Variants in SGCG observed in about 807,000 individuals in gnomAD.
SGCG encodes the protein gamma-sarcoglycan.
In SGCG, 26 loss-of-function variants were observed where a neutral mutation model predicts 29.3. That is an observed-to-expected ratio of 0.89 (90% CI 0.65 to 1.23). The LOEUF (loss-of-function observed/expected upper bound fraction) is 1.23. Ranked by LOEUF, SGCG falls within the 50% of genes most tolerant of loss-of-function variation. The probability of loss-of-function intolerance (pLI) is 0.00; values close to 1 mark genes in which losing one functional copy is unlikely to be tolerated. For synonymous variants in SGCG, 145 were observed against 129.7 expected, an observed-to-expected ratio of 1.12 and a Z score of -0.80; for missense variants, 353 against 356.0, an observed-to-expected ratio of 0.99 and a Z score of 0.07.
At chr13:23,207,877 G>C (rs1031238889) in intron 2 of SGCG, among the ~76,000 whole-genome samples, 1 of 152,126 alleles carries the variant, frequency 6.6e-6, no homozygotes, top group Non-Finnish European at 1.5e-5. Flanking sequence ...AGCCACTATG[G>C]AAAACAGTAT....
At chr13:23,161,635 C>A in the SGCG span, among the ~76,000 whole-genome samples, 1 of 152,310 alleles carries the variant, frequency 6.6e-6, no homozygotes, top group Non-Finnish European at 1.5e-5. Context: ...AAGCTAAAAT[C>A]TTCGTTTTTG....
At chr13:23,285,151 G>A (rs571825231) in intron 5 of SGCG, among the ~76,000 whole-genome samples, 67 of 152,304 alleles carry the variant, frequency 4.4e-4, no homozygotes, top group African/African-American at 1.4e-3. Context: ...TGGGAGATCC[G>A]CTGCTCTCTT....
At chr13:23,187,180 A>G (rs1265729985) in intron 1 of SGCG, among the ~76,000 whole-genome samples, 2 of 152,064 alleles carry the variant, frequency 1.3e-5, no homozygotes, top group East Asian at 1.9e-4. Context: ...CCTGGAGTGG[A>G]TGGTGATGGG....
intron 4 of SGCG, among the ~76,000 whole-genome samples, chr13:23,255,113 C>T (rs2137576371): frequency 6.6e-6 from 1 of 152,376 alleles, no homozygotes; most frequent in East Asian, 1.9e-4. Context: ...AAGGGAGCCA[C>T]TGCCCTCCAG....
chr13:23,258,656 C>T (rs956301236), intron 4 of SGCG, among the ~76,000 whole-genome samples: 1 of 152,112 alleles, frequency 6.6e-6, no homozygotes, highest in African/African-American at 2.4e-5. Flanking sequence ...CCAGTTTTTG[C>T]CCATTCAGTA....
intron 4 of SGCG, among the ~76,000 whole-genome samples, chr13:23,257,886 G>A (rs1170355561): frequency 6.6e-6 from 1 of 152,080 alleles, no homozygotes; most frequent in African/African-American, 2.4e-5. Flanking sequence ...TGAGGCCTCT[G>A]TTCTGTTCCA....
intron 6 of SGCG, among the ~76,000 whole-genome samples, chr13:23,313,523 A>G (rs965492320): frequency 2.0e-5 from 3 of 152,218 alleles, no homozygotes; most frequent in Non-Finnish European, 4.4e-5. Flanking sequence ...AAGGTCATAC[A>G]TGTTTGACTG....
chr13:23,317,321 A>G (rs1402015266), intron 6 of SGCG, among the ~76,000 whole-genome samples: 2 of 152,198 alleles, frequency 1.3e-5, no homozygotes, highest in Admixed American at 6.5e-5. Context: ...ATGGGAAACT[A>G]CAACAGCCCA....
intron 3 of SGCG, chr13:23,246,228 T>C (rs1278612241): frequency 6.6e-6 from 1 of 152,314 alleles, no homozygotes; most frequent in Non-Finnish European, 1.5e-5. Context: ...GATCCAAGAA[T>C]TCCTCCTTAT....
intron 2 of SGCG, among the ~76,000 whole-genome samples, chr13:23,219,397 A>T (rs912382833): frequency 6.6e-6 from 1 of 152,142 alleles, no homozygotes; most frequent in Non-Finnish European, 1.5e-5. Context: ...TCATTTCTAG[A>T]ATTACTTTTA....
At chr13:23,202,984 G>C (rs1204401719) in intron 1 of SGCG, among the ~76,000 whole-genome samples, 3 of 151,646 alleles carry the variant, frequency 2.0e-5, no homozygotes. Context: ...TTTTGAGATG[G>C]AGTCTCACTC....
At chr13:23,286,811 C>G (rs1287843273) in intron 5 of SGCG, among the ~76,000 whole-genome samples, 1 of 152,088 alleles carries the variant, frequency 6.6e-6, no homozygotes, top group African/African-American at 2.4e-5. Context: ...TGAGAAAATG[C>G]CTACATGATA....
chr13:23,269,321 G>A (rs1880766778), intron 4 of SGCG, among the ~76,000 whole-genome samples: 1 of 152,174 alleles, frequency 6.6e-6, no homozygotes, highest in Non-Finnish European at 1.5e-5. Context: ...TTTATTTGAA[G>A]GACAGGATAA....
intron 4 of SGCG, among the ~76,000 whole-genome samples, chr13:23,271,579 A>T (rs1880879072): frequency 6.6e-6 from 1 of 152,152 alleles, no homozygotes; most frequent in South Asian, 2.1e-4. Context: ...CATTCTTTTA[A>T]TTATAGAGAC....
At chr13:23,195,444 T>G (rs1877452067) in intron 1 of SGCG, among the ~76,000 whole-genome samples, 1 of 149,142 alleles carries the variant, frequency 6.7e-6, no homozygotes, top group Non-Finnish European at 1.5e-5. Flanking sequence ...TTTGAGCTTG[T>G]TTTTATTTTT....
chr13:23,191,669 G>A (rs887011252), intron 1 of SGCG, among the ~76,000 whole-genome samples: 1 of 152,152 alleles, frequency 6.6e-6, no homozygotes, highest in Non-Finnish European at 1.5e-5. Context: ...TGGTTTATAG[G>A]ATAGCAAAAG....
chr13:23,170,091 T>G, the SGCG span: 2 of 152,230 alleles, frequency 1.3e-5, no homozygotes, highest in Non-Finnish European at 2.9e-5. Context: ...TTGCTCTAAT[T>G]AAGCCTAATT....
Position 23,203,888 on chromosome 13 carries a change from CAGTA to C in SGCG, c.195+4_195+7del, listed in dbSNP as rs797045106. ...ATTCTTAAAGTGATGTGGTTTTCTC[CAGTA>C]AGTATCATTATTTTCTGGTAAGCAT... On this transcript the variant is annotated splice_donor_variant and splice_donor_region_variant and coding_sequence_variant and intron_variant, in exon 2 of 8. Transcript: ENST00000218867. LOFTEE classifies it high-confidence loss of function. 58 of 1,591,604 alleles carry C rather than the reference CAGTA, an allele frequency of 3.6e-5. No homozygotes were observed. The highest frequency in any genetic ancestry group is 4.5e-5 in the Non-Finnish European group (52 of 1,159,744).
intron 6 of SGCG, among the ~76,000 whole-genome samples, chr13:23,299,456 A>AT (rs71100168): frequency 1.7e-4 from 7 of 41,546 alleles, no homozygotes; most frequent in African/African-American, 5.4e-4. Flanking sequence ...ATATATATAT[A>AT]TTTTTTTTTT....
Sources: allele counts gnomAD v4.1 joint callset (sites outside exome capture counted in the v4.1 genomes callset), GRCh38; gene constraint gnomAD v4.1.1; transcripts MANE v1.5; gene names NCBI Gene and HGNC (gene_info 2026-07-23, HGNC 2026-07-21).